The following C11orf58 variants were observed in gnomAD, a reference collection of about 807,000 sequenced individuals.
C11orf58 encodes the protein chromosome 11 open reading frame 58.
Under a neutral mutation model 22.7 loss-of-function variants are expected in C11orf58, and 5 were observed. That is an observed-to-expected ratio of 0.22 (90% CI 0.12 to 0.46). The LOEUF (loss-of-function observed/expected upper bound fraction) is 0.46, where lower values mean the gene tolerates loss of function less well. Ranked by LOEUF, C11orf58 falls within the 20% of genes least tolerant of loss-of-function variation. The pLI is 0.99. For missense variants in C11orf58, 151 were observed against 223.3 expected, an observed-to-expected ratio of 0.68 and a Z score of 2.06; for synonymous variants, 71 against 70.7, an observed-to-expected ratio of 1.00 and a Z score of -0.02.
intron 1 of C11orf58, among the ~76,000 whole-genome samples, chr11:16,740,155 C>T (rs1249873117): frequency 2.0e-5 from 3 of 152,188 alleles, no homozygotes. Context: ...AGTAACCTGG[C>T]TGCCACTTAA....
At chr11:16,752,990 T>C (rs1255416304) in intron 4 of C11orf58, 96 bp downstream of exon 4, 1 of 881,658 alleles carries the variant, frequency 1.1e-6, no homozygotes, top group East Asian at 2.7e-5. Flanking sequence ...GAATCCCATG[T>C]AGAAAGCTTT....
chr11:16,745,190 G>A (rs1848478221), intron 2 of C11orf58, among the ~76,000 whole-genome samples: 1 of 152,188 alleles, frequency 6.6e-6, no homozygotes, highest in African/African-American at 2.4e-5. Context: ...CTCTGAATGT[G>A]TAGAACACCA....
In C11orf58 at chr11:16,745,936, T is replaced by A. The variant is rs527843990; in HGVS notation, c.147+1252T>A. On this transcript the variant is annotated intron_variant, in intron 2 of 4. Transcript: ENST00000228136. The stretch of plus-strand genomic sequence containing the variant: ...TGTTATGCACATGGGAATACATTCA[T>A]TCATTTTCCCAACAATTACAGACTA... Among the ~76,000 whole-genome samples, 7 of 152,366 alleles carry A rather than the reference T, an allele frequency of 4.6e-5. No individual in the cohort carries two copies. In the South Asian group the frequency reaches 1.4e-3, roughly 32 times the overall value.
chr11:16,748,449 G>A, intron 3 of C11orf58: 1 of 181,940 alleles, frequency 5.5e-6, no homozygotes, highest in African/African-American at 2.4e-5. Flanking sequence ...AAAAAAAAAG[G>A]AGAGAAAAAA....
intron 2 of C11orf58, among the ~76,000 whole-genome samples, chr11:16,745,410 A>G (rs925969759): frequency 6.6e-6 from 1 of 152,228 alleles, no homozygotes; most frequent in African/African-American, 2.4e-5. Context: ...AGTCTTACTG[A>G]TAACATAATT....
intron 3 of C11orf58, chr11:16,750,286 C>G (rs1848522733): frequency 6.6e-6 from 1 of 152,204 alleles, no homozygotes; most frequent in African/African-American, 2.4e-5. Context: ...AGACCAAACA[C>G]CCTGCATTAA....
chr11:16,747,982 A>G, intron 2 of C11orf58, 115 bp from the exon 3 acceptor site: 1 of 775,566 alleles, frequency 1.3e-6, no homozygotes, highest in Non-Finnish European at 2.2e-6. Context: ...TTCTAATTTA[A>G]TCTTTTGTCT....
At chr11:16,753,951 T>A in intron 4 of C11orf58, 1 of 555,686 alleles carries the variant, frequency 1.8e-6, no homozygotes, top group South Asian at 2.3e-5. Context: ...CTTTCCGCCT[T>A]CCAAAGTGCT....
chr11:16,751,656 G>A (rs1030649733), intron 3 of C11orf58: 5 of 152,140 alleles, frequency 3.3e-5, no homozygotes, highest in African/African-American at 1.2e-4. Context: ...TTTTTGACAT[G>A]TTTCAAACAT....
chr11:16,748,234 C>T (rs1296373576), intron 3 of C11orf58, 77 bp downstream of exon 3: 2 of 1,263,376 alleles, frequency 1.6e-6, no homozygotes. Flanking sequence ...TCAGGATATT[C>T]TACTTTGGCA....
At chr11:16,754,597 T>C (rs1239365219) in intron 4 of C11orf58, among the ~76,000 whole-genome samples, 1 of 121,036 alleles carries the variant, frequency 8.3e-6, no homozygotes, top group Non-Finnish European at 1.7e-5. Context: ...AGAGACAGGG[T>C]CTCACTATGT....
In C11orf58 at chr11:16,754,924, T is replaced by C. The variant is rs766903095; in HGVS notation, c.372T>C (p.Asp124=). The change falls in exon 5 of 5, where the codon GAT becomes GAC. Residue 124 remains aspartate (D), a synonymous_variant. Coordinates refer to ENST00000228136, the MANE Select transcript of C11orf58 (RefSeq NM_014267.6). ...TGGCTGGAGATGATGATGATGACGA[T>C]GATGATTCACCTGATCCTGAAAGTC... ...GDVAGDDDDD[D]DDSPDPESPD... is the part of the protein sequence containing the mutation. The C allele has an allele frequency of 1.3e-5, 21 of 1,613,964 alleles. No homozygotes were observed. Among genetic ancestry groups the C allele is most frequent in the Admixed American group, 1.7e-5 (1 of 59,984 alleles).
intron 4 of C11orf58, among the ~76,000 whole-genome samples, 163 bp from the exon 5 acceptor site, chr11:16,754,708 A>G (rs1410261783): frequency 6.6e-6 from 1 of 151,502 alleles, no homozygotes. Context: ...CACTGGGCCC[A>G]GCCAGACAGA....
In C11orf58 at chr11:16,754,906, AGAT is replaced by A. The variant is rs749272965; in HGVS notation, c.366_368del (p.Asp126del). 1.2e-6 allele frequency: 2 copies of A among 1,613,720 alleles called. No homozygotes were observed. Among genetic ancestry groups the A allele is most frequent in the African/African-American group, 1.3e-5 (1 of 74,888 alleles). On this transcript the variant is annotated inframe_deletion, in exon 5 of 5. Transcript: ENST00000228136. ...ATGATGGAGAAGGTGATGTGGCTGG[AGAT>A]GATGATGATGACGATGATGATTCAC...
chr11:16,740,782 C>G (rs1848441045), intron 1 of C11orf58, among the ~76,000 whole-genome samples: 1 of 121,358 alleles, frequency 8.2e-6, no homozygotes. Context: ...TACCTCCAAG[C>G]TGTTGCAGAA....
chr11:16,745,650 G>C (rs1848482134), intron 2 of C11orf58, among the ~76,000 whole-genome samples: 2 of 152,278 alleles, frequency 1.3e-5, no homozygotes, highest in Middle Eastern at 3.4e-3. Flanking sequence ...GTATATTCAA[G>C]TATAAGTGGA....
chr11:16,754,754 G>A, intron 4 of C11orf58, 117 bp from the exon 5 acceptor site: 1 of 1,485,582 alleles, frequency 6.7e-7, no homozygotes, highest in Non-Finnish European at 9.0e-7. Flanking sequence ...TCTTAAAGCT[G>A]TTGTTCTAAT....
chr11:16,748,055 T>C (rs528599536), intron 2 of C11orf58, 42 bp from the exon 3 acceptor site: 15 of 1,478,928 alleles, frequency 1.0e-5, no homozygotes, highest in Non-Finnish European at 1.4e-5. Flanking sequence ...TAAGGTTAAA[T>C]TAGTGGTCTC....
chr11:16,739,284 C>T (rs944335341), intron 1 of C11orf58, among the ~76,000 whole-genome samples: 1 of 152,148 alleles, frequency 6.6e-6, no homozygotes, highest in South Asian at 2.1e-4. Flanking sequence ...ATGATTTTTA[C>T]AATGTGCTGT....
Sources: allele counts gnomAD v4.1 joint callset (sites outside exome capture counted in the v4.1 genomes callset), GRCh38; gene constraint gnomAD v4.1.1; transcripts MANE v1.5; gene names NCBI Gene and HGNC (gene_info 2026-07-23, HGNC 2026-07-21).